The following KLHL15 variants were observed in gnomAD, a reference collection of about 807,000 sequenced individuals.
KLHL15 encodes kelch like family member 15.
A neutral mutation model predicts 29.3 loss-of-function variants in KLHL15; 1 was observed. The ratio of observed to expected loss-of-function variants is 0.03; its 90% CI spans 0.01 to 0.16. The LOEUF (loss-of-function observed/expected upper bound fraction) is 0.16, where lower values mean the gene tolerates loss of function less well. Among genes scored for constraint, KLHL15 ranks in the 10% least tolerant of loss-of-function variants. The pLI, the probability that KLHL15 is intolerant of heterozygous loss-of-function variation, is 1.00. For synonymous variants in KLHL15, 212 were observed against 184.5 expected, an observed-to-expected ratio of 1.15 and a Z score of -1.21; for missense variants, 215 against 478.5, an observed-to-expected ratio of 0.45 and a Z score of 5.14.
At chrX:24,025,301 C>G (rs1482091532) in intron 1 of KLHL15, among the ~76,000 whole-genome samples, 8 of 107,338 alleles carry the variant, frequency 7.5e-5, no homozygotes, top group Non-Finnish European at 1.6e-4. Flanking sequence ...CCCCGAAGCG[C>G]GCCGAGCCTC....
intron 2 of KLHL15, among the ~76,000 whole-genome samples, chrX:24,016,608 A>G (rs769505190): frequency 7.2e-5 from 8 of 110,362 alleles, no homozygotes; most frequent in Non-Finnish European, 1.5e-4. Flanking sequence ...CGGAGATTGC[A>G]GTGAGCAGAG....
chrX:24,025,189 G>C (rs1251151829), intron 1 of KLHL15, 131 bp from the exon 2 acceptor site: 1 of 289,037 alleles, frequency 3.5e-6, no homozygotes, highest in Non-Finnish European at 6.0e-6. Flanking sequence ...CTCGGCGGGA[G>C]GGCCGACTGG....
chrX:24,024,705 A>C (rs375244083), intron 2 of KLHL15, among the ~76,000 whole-genome samples, 152 bp downstream of exon 2: 14 of 113,433 alleles, frequency 1.2e-4, no homozygotes, highest in African/African-American at 4.2e-4. Context: ...CATTTCAAAC[A>C]ATTTAAGTAA....
chrX:24,026,580 C>T (rs1321165721), intron 1 of KLHL15, among the ~76,000 whole-genome samples: 1 of 102,166 alleles, frequency 9.8e-6, no homozygotes, highest in Non-Finnish European at 2.0e-5. Context: ...CCCCCACCCC[C>T]CGCCGCCATT....
intron 2 of KLHL15, among the ~76,000 whole-genome samples, chrX:24,021,826 TAAA>T (rs767263350): frequency 1.1e-5 from 1 of 94,493 alleles, no homozygotes; most frequent in Admixed American, 1.2e-4. Flanking sequence ...TTCTCTTCAA[TAAA>T]AAAAAAAAAG....
Position 24,025,005 on chromosome X carries a change from G to A in KLHL15, c.-156C>T. 1 of 297,969 alleles carries A rather than the reference G, an allele frequency of 3.4e-6. No homozygotes were observed. 24.6% of individuals were successfully genotyped at this position (297,969 alleles called of 1,213,427 possible). A position where few individuals can be genotyped will look rare whatever the true frequency, so the allele number is the denominator to read the frequency against. On this transcript the variant is annotated 5_prime_UTR_variant, in exon 2 of 4. Transcript: ENST00000328046. The stretch of plus-strand genomic sequence containing the variant: ...GAGCAGCCGCTCCCGGCACGAGCCG[G>A]GTCGCTCCGGCGGGGCACGAGAGTG...
rs1199342879 is a variant in KLHL15, at chrX:23,994,096, A to T, written c.706-5066T>A. Among the ~76,000 whole-genome samples the T allele has an allele frequency of 3.6e-5, 4 of 110,200 alleles. No homozygotes were observed. The Admixed American group carries it at 3.9e-4, about 11-fold the overall frequency. ...GAAAATAGGCAAGTCCACCCTCTCTATTCAGGTAAAACCACAACCAAGACA... is the reference window on the plus strand; with the variant it reads ...GAAAATAGGCAAGTCCACCCTCTCTTTTCAGGTAAAACCACAACCAAGACA... On this transcript the variant is annotated intron_variant, in intron 3 of 3. Coordinates refer to ENST00000328046, the MANE Select transcript of KLHL15 (RefSeq NM_030624.3).
At chrX:24,017,960 C>A (rs1569270254) in intron 2 of KLHL15, among the ~76,000 whole-genome samples, 1 of 109,929 alleles carries the variant, frequency 9.1e-6, no homozygotes, top group Admixed American at 9.9e-5. Context: ...TTTTAAATAG[C>A]AGAGCTTGGT....
At chrX:24,021,130 T>C (rs1929794986) in intron 2 of KLHL15, among the ~76,000 whole-genome samples, 2 of 111,977 alleles carry the variant, frequency 1.8e-5, no homozygotes, top group East Asian at 5.6e-4. Context: ...TCTTCCACTT[T>C]TGGACCAGCA....
intron 2 of KLHL15, among the ~76,000 whole-genome samples, chrX:24,021,854 T>C (rs757811323): frequency 7.2e-5 from 8 of 110,657 alleles, no homozygotes; most frequent in African/African-American, 2.6e-4. Flanking sequence ...ACATGAGCTA[T>C]AGCACTCCAA....
At chrX:24,004,423 A>G (rs1265809597) in intron 3 of KLHL15, among the ~76,000 whole-genome samples, 1 of 112,185 alleles carries the variant, frequency 8.9e-6, no homozygotes, top group African/African-American at 3.2e-5. Context: ...AACAATAGGA[A>G]AAAAATCAAA....
At chrX:23,998,828 T>A (rs1352887778) in intron 3 of KLHL15, among the ~76,000 whole-genome samples, 2 of 112,139 alleles carry the variant, frequency 1.8e-5, no homozygotes, top group Non-Finnish European at 3.8e-5. Flanking sequence ...ATTTCCAGAC[T>A]CTCTGATCCT....
intron 3 of KLHL15, among the ~76,000 whole-genome samples, chrX:23,996,496 C>G (rs895746903): frequency 9.0e-6 from 1 of 111,212 alleles, no homozygotes; most frequent in Non-Finnish European, 1.9e-5. Context: ...AACCCTGTCT[C>G]TACTAAAAAT....
At chrX:24,025,573 C>A (rs1324853083) in intron 1 of KLHL15, among the ~76,000 whole-genome samples, 26 of 108,451 alleles carry the variant, frequency 2.4e-4, no homozygotes, top group South Asian at 7.6e-4. Context: ...GGAGGCCCCC[C>A]CCTCGGCCCC....
At chrX:24,025,471 G>C (rs1252491865) in intron 1 of KLHL15, among the ~76,000 whole-genome samples, 1 of 105,953 alleles carries the variant, frequency 9.4e-6, no homozygotes, top group Admixed American at 9.7e-5. Flanking sequence ...GCCGGCAGGG[G>C]GCCCAGTGCG....
rs1601993656 is a variant in KLHL15 at position 23,987,057 on chromosome X, A to G, written c.*864T>C. 8.9e-6 allele frequency: 1 copy of G among 112,733 alleles called. No homozygotes were observed. Among genetic ancestry groups the G allele is most frequent in the Non-Finnish European group, 1.9e-5 (1 of 53,337 alleles). 9.3% of individuals were successfully genotyped at this position (112,733 alleles called of 1,213,427 possible). On this transcript the variant is annotated 3_prime_UTR_variant, in exon 4 of 4. Coordinates refer to ENST00000328046, the MANE Select transcript of KLHL15 (RefSeq NM_030624.3). ...CACTAACATTTACTTTTGAAAATAA[A>G]ATATAAAGTGTTAGTTTTCATAACC... is the stretch of plus-strand genomic sequence containing the variant.
intron 2 of KLHL15, among the ~76,000 whole-genome samples, chrX:24,022,099 G>A (rs1476177311): frequency 9.1e-6 from 1 of 110,373 alleles, no homozygotes; most frequent in African/African-American, 3.3e-5. Context: ...AGCACTTTGG[G>A]AGACCGAGGC....
At position 24,006,454 on chromosome X, in the gene KLHL15, G is replaced by T; in HGVS notation, c.240C>A (p.Thr80=). 2.5e-6 allele frequency: 3 copies of T among 1,210,609 alleles called. No homozygotes were observed. The highest frequency in any genetic ancestry group is 3.4e-6 in the Non-Finnish European group (3 of 894,641). The change falls in exon 3 of 4, where the codon ACC becomes ACA. Residue 80 remains threonine (T), a synonymous_variant. Coordinates refer to ENST00000328046, the MANE Select transcript of KLHL15 (RefSeq NM_030624.3). ...DKIHLKGLTA[T]GFSHVLQFMY... ...TAAATTGCAGGACATGGCTGAAACC[G>T]GTAGCTGTTAGACCTTTTAAATGAA... is the stretch of plus-strand genomic sequence containing the variant.
At chrX:23,998,863 T>C (rs1259727663) in intron 3 of KLHL15, among the ~76,000 whole-genome samples, 4 of 111,818 alleles carry the variant, frequency 3.6e-5, no homozygotes, top group African/African-American at 9.8e-5. Flanking sequence ...TATCATTTGT[T>C]TTTTTCTTCC....
Sources: allele counts gnomAD v4.1 joint callset (sites outside exome capture counted in the v4.1 genomes callset), GRCh38; gene constraint gnomAD v4.1.1; transcripts MANE v1.5; gene names NCBI Gene and HGNC (gene_info 2026-07-23, HGNC 2026-07-21).